ROBO1: variants seen among roughly 807,000 people sequenced by gnomAD.
The protein encoded by ROBO1 is roundabout homolog 1.
In ROBO1, 149 loss-of-function variants were observed where a neutral mutation model predicts 195.9. That is an observed-to-expected ratio of 0.76 (90% CI 0.67 to 0.87). ROBO1 has a LOEUF of 0.87. Ranked by LOEUF, ROBO1 falls within the 40% of genes least tolerant of loss-of-function variation. The pLI is 0.00. For missense variants in ROBO1, 1,933 were observed against 2,068.3 expected, an observed-to-expected ratio of 0.93 and a Z score of 1.27; for synonymous variants, 816 against 733.2, an observed-to-expected ratio of 1.11 and a Z score of -1.82.
chr3:79,443,624 T>A (rs1230748896), intron 2 of ROBO1, among the ~76,000 whole-genome samples: 1 of 152,156 alleles, frequency 6.6e-6, no homozygotes, highest in Non-Finnish European at 1.5e-5. Context: ...CAAATGAATT[T>A]AAGATTCAAT....
chr3:79,126,289 T>C (rs866877550), intron 2 of ROBO1, among the ~76,000 whole-genome samples: 1 of 152,238 alleles, frequency 6.6e-6, no homozygotes, highest in South Asian at 2.1e-4. Flanking sequence ...CATTCATCTA[T>C]GCTTATTTTT....
intron 5 of ROBO1, among the ~76,000 whole-genome samples, chr3:78,732,316 T>A (rs1030980492): frequency 6.6e-6 from 1 of 152,086 alleles, no homozygotes; most frequent in Non-Finnish European, 1.5e-5. Flanking sequence ...GCATATTACA[T>A]TGAAGTTCCC....
At chr3:79,517,337 C>T (rs943890037) in intron 2 of ROBO1, among the ~76,000 whole-genome samples, 1 of 152,184 alleles carries the variant, frequency 6.6e-6, no homozygotes, top group Admixed American at 6.5e-5. Flanking sequence ...ACAGTCGACA[C>T]TGACCATCAC....
At chr3:79,648,416 G>A (rs898093888) in intron 1 of ROBO1, among the ~76,000 whole-genome samples, 26 of 152,148 alleles carry the variant, frequency 1.7e-4, no homozygotes, top group African/African-American at 6.3e-4. Context: ...CATATATAAG[G>A]CTCAGTGAAG....
chr3:79,668,339 GT>G (rs539890728), intron 1 of ROBO1, among the ~76,000 whole-genome samples: 4 of 148,200 alleles, frequency 2.7e-5, no homozygotes, highest in Non-Finnish European at 3.0e-5. Flanking sequence ...AAAACATGGT[GT>G]TTTTTTTTGT....
At chr3:79,298,524 C>T (rs1341728879) in intron 2 of ROBO1, among the ~76,000 whole-genome samples, 1 of 151,990 alleles carries the variant, frequency 6.6e-6, no homozygotes, top group Non-Finnish European at 1.5e-5. Context: ...TTTTTAGCAA[C>T]TAGTAATGAA....
intron 1 of ROBO1, among the ~76,000 whole-genome samples, chr3:79,718,329 C>A (rs1272366687): frequency 3.3e-5 from 5 of 151,920 alleles, no homozygotes; most frequent in Admixed American, 2.6e-4. Flanking sequence ...ACAACTTAAG[C>A]ATTGAGAAAT....
At position 79,008,933 on chromosome 3, in the gene ROBO1, GGTTTT is replaced by G. The variant is rs1238896349; in HGVS notation, c.173-70011_173-70007del. On this transcript the variant is annotated intron_variant, in intron 3 of 30. Transcript: ENST00000464233. The stretch of plus-strand genomic sequence containing the variant: ...TGTGTGTGTGTGTGTGTGTGTGTAT[GGTTTT>G]GTTTTGTTTTGTTTTGTTTTGAGAT... Among the ~76,000 whole-genome samples the G allele has an allele frequency of 4.9e-4, 69 of 139,444 alleles. 1 individual carries two copies. The highest frequency in any genetic ancestry group is 6.4e-4 in the Non-Finnish European group (41 of 63,796). The allele number at this position is 139,444 out of a possible 152,430, so 91.5% of individuals were successfully genotyped here.
intron 2 of ROBO1, among the ~76,000 whole-genome samples, chr3:79,391,120 A>AT (rs2036932791): frequency 7.1e-6 from 1 of 141,588 alleles, no homozygotes; most frequent in Non-Finnish European, 1.5e-5. Flanking sequence ...CCCTGTCTCT[A>AT]CCAAAAAAAA....
chr3:79,149,615 G>A (rs910514022), intron 2 of ROBO1, among the ~76,000 whole-genome samples: 1 of 151,564 alleles, frequency 6.6e-6, no homozygotes, highest in South Asian at 2.1e-4. Flanking sequence ...CAGGTAAATC[G>A]GCCTCAGTGG....
chr3:79,400,382 A>T (rs1559872362), intron 2 of ROBO1, among the ~76,000 whole-genome samples: 2 of 152,090 alleles, frequency 1.3e-5, no homozygotes, highest in Non-Finnish European at 2.9e-5. Context: ...TGGCAGATAC[A>T]TGACAAATTT....
chr3:79,086,912 G>C (rs1187623269), intron 3 of ROBO1, among the ~76,000 whole-genome samples: 1 of 151,982 alleles, frequency 6.6e-6, no homozygotes, highest in Non-Finnish European at 1.5e-5. Flanking sequence ...AGCATTTTGG[G>C]AAATGGTGTC....
intron 3 of ROBO1, among the ~76,000 whole-genome samples, chr3:79,067,485 T>C (rs2079022633): frequency 6.6e-6 from 1 of 151,966 alleles, no homozygotes; most frequent in South Asian, 2.1e-4. Context: ...TGAAGTAAGA[T>C]TCTGAGTCTG....
At chr3:79,540,046 T>C (rs957558846) in intron 2 of ROBO1, among the ~76,000 whole-genome samples, 3 of 152,104 alleles carry the variant, frequency 2.0e-5, no homozygotes, top group African/African-American at 7.2e-5. Context: ...GGTATATTGG[T>C]TAACATTGTT....
chr3:79,149,814 A>C (rs879847989), intron 2 of ROBO1, among the ~76,000 whole-genome samples: 2 of 151,776 alleles, frequency 1.3e-5, no homozygotes, highest in East Asian at 1.9e-4. Context: ...AAGTTCAGTT[A>C]GGCTCTGATG....
chr3:79,115,647 A>G (rs780272814), intron 3 of ROBO1, among the ~76,000 whole-genome samples: 4 of 152,198 alleles, frequency 2.6e-5, no homozygotes, highest in Non-Finnish European at 5.9e-5. Context: ...ATGTTGAGCC[A>G]TCAATATGAT....
At chr3:79,762,633 A>ACACACACACACAC (rs56727083) in intron 1 of ROBO1, among the ~76,000 whole-genome samples, 5 of 31,314 alleles carry the variant, frequency 1.6e-4, no homozygotes, top group African/African-American at 3.4e-4. Context: ...CACACACACA[A>ACACACACACACAC]AAGCCGAGAG....
chr3:79,143,287 C>T (rs2080567960), intron 2 of ROBO1, among the ~76,000 whole-genome samples: 1 of 152,036 alleles, frequency 6.6e-6, no homozygotes, highest in Admixed American at 6.6e-5. Flanking sequence ...ATAAATCTTC[C>T]ATTGCTGGTA....
chr3:79,711,641 T>A (rs1370227603), intron 1 of ROBO1, among the ~76,000 whole-genome samples: 1 of 151,856 alleles, frequency 6.6e-6, no homozygotes, highest in Non-Finnish European at 1.5e-5. Flanking sequence ...CTAATGTTAC[T>A]GTTAAAACAC....
Sources: allele counts gnomAD v4.1 joint callset (sites outside exome capture counted in the v4.1 genomes callset), GRCh38; gene constraint gnomAD v4.1.1; transcripts MANE v1.5; gene names NCBI Gene and HGNC (gene_info 2026-07-23, HGNC 2026-07-21).